Variants in PCDH9 observed in about 807,000 individuals in gnomAD.
The protein encoded by PCDH9 is protocadherin 9, also known as protocadherin-9.
A neutral mutation model predicts 70.6 loss-of-function variants in PCDH9; 24 were observed. The ratio of observed to expected loss-of-function variants is 0.34; its 90% CI spans 0.25 to 0.48. PCDH9 has a LOEUF of 0.48. Ranked by LOEUF, PCDH9 falls within the 20% of genes least tolerant of loss-of-function variation. The pLI is 0.99. For synonymous variants in PCDH9, 562 were observed against 558.5 expected (o/e 1.01, Z -0.09); for missense variants, 1,281 against 1,503.6 (o/e 0.85, Z 2.45).
At chr13:67,080,667 T>G (rs907185720) in intron 2 of PCDH9, among the ~76,000 whole-genome samples, 11 of 152,204 alleles carry the variant, frequency 7.2e-5, no homozygotes, top group Admixed American at 2.6e-4. Context: ...ATAAAACAAT[T>G]TGCGATTTCA....
At chr13:67,035,555 T>A (rs1397555435) in intron 2 of PCDH9, among the ~76,000 whole-genome samples, 1 of 149,116 alleles carries the variant, frequency 6.7e-6, no homozygotes, top group Non-Finnish European at 1.5e-5. Flanking sequence ...GAAATAAATA[T>A]ATAATTATAT....
chr13:66,326,777 C>T (rs112440487), intron 4 of PCDH9, among the ~76,000 whole-genome samples: 1 of 152,016 alleles, frequency 6.6e-6, no homozygotes, highest in Non-Finnish European at 1.5e-5. Flanking sequence ...CCAAAGACAT[C>T]TTGAAATTTT....
intron 4 of PCDH9, among the ~76,000 whole-genome samples, chr13:66,370,501 A>T (rs1313372525): frequency 1.8e-4 from 26 of 141,632 alleles, no homozygotes; most frequent in African/African-American, 2.6e-4. Context: ...TTTCTTTTTT[A>T]TTTATGTATT....
intron 2 of PCDH9, among the ~76,000 whole-genome samples, chr13:66,994,678 A>G (rs2084074098): frequency 6.6e-6 from 1 of 152,188 alleles, no homozygotes; most frequent in Non-Finnish European, 1.5e-5. Context: ...AGCAACAGAA[A>G]AGATGAAAAT....
At chr13:67,190,302 G>C (rs976665283) in intron 2 of PCDH9, among the ~76,000 whole-genome samples, 6 of 151,918 alleles carry the variant, frequency 3.9e-5, no homozygotes, top group Non-Finnish European at 7.4e-5. Flanking sequence ...AACAGGACAG[G>C]TAAAAACACT....
chr13:67,150,181 A>G (rs1043285841), intron 2 of PCDH9, among the ~76,000 whole-genome samples: 6 of 152,138 alleles, frequency 3.9e-5, no homozygotes, highest in Non-Finnish European at 8.8e-5. Context: ...TAACAGGCAT[A>G]TGCCACCACG....
chr13:66,601,548 G>A (rs904910883), intron 4 of PCDH9, among the ~76,000 whole-genome samples: 2 of 146,486 alleles, frequency 1.4e-5, no homozygotes, highest in Middle Eastern at 3.6e-3. Flanking sequence ...GGAAATGTAA[G>A]TAATTTCATT....
intron 2 of PCDH9, among the ~76,000 whole-genome samples, chr13:66,909,876 G>GAAGTTCCT (rs1330371906): frequency 1.3e-5 from 2 of 152,114 alleles, no homozygotes; most frequent in South Asian, 2.1e-4. Context: ...TCGGGACCCT[G>GAAGTTCCT]ACACATGTTC....
intron 2 of PCDH9, among the ~76,000 whole-genome samples, chr13:67,103,399 T>C (rs541977920): frequency 6.6e-6 from 1 of 152,254 alleles, no homozygotes; most frequent in South Asian, 2.1e-4. Context: ...AGTCAGTAAT[T>C]CCACTTTCAA....
chr13:67,031,891 A>G (rs2084913881), intron 2 of PCDH9, among the ~76,000 whole-genome samples: 1 of 152,194 alleles, frequency 6.6e-6, no homozygotes, highest in Non-Finnish European at 1.5e-5. Context: ...TGTCAAAGAT[A>G]CACAGCCCTT....
chr13:67,153,195 T>G (rs1415578549), intron 2 of PCDH9, among the ~76,000 whole-genome samples: 1 of 151,756 alleles, frequency 6.6e-6, no homozygotes, highest in Non-Finnish European at 1.5e-5. Context: ...AGGGTCTCTC[T>G]CCGTCCTGCA....
At chr13:67,153,485 C>T (rs2087714770) in intron 2 of PCDH9, among the ~76,000 whole-genome samples, 1 of 152,168 alleles carries the variant, frequency 6.6e-6, no homozygotes, top group Non-Finnish European at 1.5e-5. Flanking sequence ...ATTTTAAAAA[C>T]AAGTATCTTA....
At chr13:66,329,331 A>G (rs1955900068) in intron 4 of PCDH9, among the ~76,000 whole-genome samples, 1 of 152,206 alleles carries the variant, frequency 6.6e-6, no homozygotes, top group Admixed American at 6.5e-5. Context: ...ATTAGATTAA[A>G]CAGTCTGAAA....
At chr13:66,831,809 A>G (rs2139408798) in intron 3 of PCDH9, among the ~76,000 whole-genome samples, 1 of 152,218 alleles carries the variant, frequency 6.6e-6, no homozygotes, top group Non-Finnish European at 1.5e-5. Context: ...GCATTTAAGT[A>G]TGGATTTTAC....
intron 2 of PCDH9, among the ~76,000 whole-genome samples, chr13:67,194,270 T>A (rs535420179): frequency 1.3e-5 from 2 of 152,172 alleles, no homozygotes. Flanking sequence ...TTTACTAATG[T>A]TGATTCACTC....
chr13:66,449,078 A>G (rs925756166), intron 4 of PCDH9, among the ~76,000 whole-genome samples: 6 of 152,194 alleles, frequency 3.9e-5, no homozygotes, highest in African/African-American at 1.2e-4. Flanking sequence ...AAGGGGATAA[A>G]ATCATCTGCT....
At chr13:66,622,263 T>C (rs1483181335) in intron 4 of PCDH9, among the ~76,000 whole-genome samples, 1 of 152,142 alleles carries the variant, frequency 6.6e-6, no homozygotes, top group East Asian at 1.9e-4. Flanking sequence ...CCGAGGAGCC[T>C]ACCCTACGAG....
chr13:66,931,574 G>T lies in PCDH9; in HGVS notation c.3037-27969C>A, dbSNP rs558644105. On this transcript the variant is annotated intron_variant, in intron 2 of 4. Coordinates refer to ENST00000377865, the MANE Select transcript of PCDH9 (RefSeq NM_203487.3). Reference sequence around the variant, plus strand: ...GTTAATGATATTTGAGAATGGTGGTGGGGGGGAAGGAAGTCAAAGATGCAA... The same window carrying T: ...GTTAATGATATTTGAGAATGGTGGTTGGGGGGAAGGAAGTCAAAGATGCAA... Among the ~76,000 whole-genome samples the T allele has an allele frequency of 1.6e-4, 25 of 152,078 alleles. No individual in the cohort carries two copies. The South Asian group carries it at 5.0e-3, about 30-fold the overall frequency.
chr13:66,920,899 TATGA>T (rs2082627278), intron 2 of PCDH9, among the ~76,000 whole-genome samples: 1 of 151,258 alleles, frequency 6.6e-6, no homozygotes, highest in South Asian at 2.1e-4. Context: ...TGCTTCTTCC[TATGA>T]ATGTCTCTGA....
Sources: gnomAD v4.1 joint callset for allele counts (sites outside exome capture counted in the v4.1 genomes callset) on GRCh38, gnomAD v4.1.1 for gene constraint, MANE v1.5 for transcripts, NCBI Gene and HGNC (gene_info 2026-07-23, HGNC 2026-07-21) for gene names.